Variants in FGD6 observed in about 807,000 individuals in gnomAD.
FGD6 encodes the protein FYVE, RhoGEF and PH domain containing 6, also known as FYVE, RhoGEF and PH domain-containing protein 6.
A neutral mutation model predicts 149.4 loss-of-function variants in FGD6; 90 were observed. That is an observed-to-expected ratio of 0.60 (90% CI 0.51 to 0.72). The LOEUF (loss-of-function observed/expected upper bound fraction) is 0.72. FGD6 is among the 30% of genes least tolerant of loss of function. The probability of loss-of-function intolerance (pLI) is 0.00; values close to 1 mark genes in which losing one functional copy is unlikely to be tolerated. For missense variants in FGD6, 1,437 were observed against 1,684.8 expected, an observed-to-expected ratio of 0.85 and a Z score of 2.57; for synonymous variants, 527 against 584.0, an observed-to-expected ratio of 0.90 and a Z score of 1.41.
At position 95,217,370 on chromosome 12, in the gene FGD6, G is replaced by A. The variant is rs1395253426; in HGVS notation, c.-130C>T. ...CCCACATTCCGTCCCGCCGCCCCGCGGCGCAGCCTGAGCGCCACACAAAGG... is the reference window on the plus strand; with the variant it reads ...CCCACATTCCGTCCCGCCGCCCCGCAGCGCAGCCTGAGCGCCACACAAAGG... On this transcript the variant is annotated 5_prime_UTR_variant, in exon 1 of 21. Transcript: ENST00000343958. The A allele has an allele frequency of 1.5e-6, 2 of 1,334,230 alleles. No homozygotes were observed. The highest frequency in any genetic ancestry group is 2.0e-6 in the Non-Finnish European group (2 of 1,014,076). 82.6% of individuals were successfully genotyped at this position (1,334,230 alleles called of 1,614,324 possible).
chr12:95,176,600 T>C (rs955096927), intron 2 of FGD6, among the ~76,000 whole-genome samples: 1 of 152,246 alleles, frequency 6.6e-6, no homozygotes, highest in Non-Finnish European at 1.5e-5. Context: ...AAATTCCTAC[T>C]GATGGGTAAC....
At chr12:95,181,005 G>A (rs201234800) in intron 2 of FGD6, among the ~76,000 whole-genome samples, 1 of 148,364 alleles carries the variant, frequency 6.7e-6, no homozygotes, top group Non-Finnish European at 1.5e-5. Flanking sequence ...AAAAAAAAAA[G>A]AAAAAATCTC....
intron 8 of FGD6, among the ~76,000 whole-genome samples, chr12:95,114,720 G>A (rs116511412): frequency 0.013 from 2,039 of 152,190 alleles, 41 homozygotes; most frequent in African/African-American, 0.047. Context: ...GGAATTTCAA[G>A]GCAATACTTC....
At chr12:95,106,357 G>A (rs376013689) in intron 13 of FGD6, among the ~76,000 whole-genome samples, 66 of 149,062 alleles carry the variant, frequency 4.4e-4, no homozygotes, top group African/African-American at 1.4e-3. Flanking sequence ...TGACACCTCC[G>A]CCTCCCAGGT....
chr12:95,217,233 G>T lies in FGD6; in HGVS notation c.8C>A (p.Ser3Tyr). Residue 3 changes from serine to tyrosine, a missense_variant, in exon 1 of 21, where the codon TCT (serine) becomes TAT (tyrosine). Ser to Tyr is a moderately radical substitution (Grantham distance 144). Around this residue, in one of 2 missense-constraint regions of FGD6, gnomAD observed 1,055 missense variants for 1,146.0 expected, o/e 0.92. Transcript: ENST00000343958. MTSAAEIKKPPVA... is the reference protein window; with the variant it reads MTYAAEIKKPPVA... ...CGAGCGCCGTCACTTACCGGCTGCA[G>T]AAGTCATGATTCCCCGGTGCAGCTC... 1 of 1,612,240 alleles carries T rather than the reference G, an allele frequency of 6.2e-7. No homozygotes were observed. The highest frequency in any genetic ancestry group is 1.1e-5 in the South Asian group (1 of 90,954).
intron 20 of FGD6, among the ~76,000 whole-genome samples, chr12:95,083,012 A>AATATATATATATATATATATATATATAT (rs1555215600): frequency 5.5e-4 from 11 of 20,032 alleles, no homozygotes; most frequent in Non-Finnish European, 7.5e-4. Context: ...AAAAAAAAAA[A>AATATATATATATATATATATATATATAT]ATATATATAT....
chr12:95,089,720 T>C (rs373540015), intron 17 of FGD6, 24 bp from the exon 18 acceptor site: 7 of 1,610,776 alleles, frequency 4.3e-6, no homozygotes, highest in Non-Finnish European at 5.9e-6. Flanking sequence ...GGCATGCTTA[T>C]GTAGGCAATG....
intron 17 of FGD6, among the ~76,000 whole-genome samples, chr12:95,091,300 A>G (rs1878047483): frequency 1.3e-5 from 2 of 152,202 alleles, no homozygotes; most frequent in South Asian, 4.1e-4. Context: ...ACATCTCACT[A>G]AATCAGATTA....
chr12:95,206,919 G>A (rs1435225162), intron 2 of FGD6, among the ~76,000 whole-genome samples: 1 of 151,834 alleles, frequency 6.6e-6, no homozygotes, highest in Non-Finnish European at 1.5e-5. Context: ...GACAGTTAAA[G>A]GAACTTAAAA....
chr12:95,103,017 T>C (rs1383995920), intron 14 of FGD6, among the ~76,000 whole-genome samples: 1 of 152,178 alleles, frequency 6.6e-6, no homozygotes, highest in African/African-American at 2.4e-5. Flanking sequence ...TGGCCACTAC[T>C]CCACCTGCTC....
At position 95,137,626 on chromosome 12, in the gene FGD6, T is replaced by G. The variant is rs573577016; in HGVS notation, c.2890A>C (p.Lys964Gln). 2 of 1,612,240 alleles carry G rather than the reference T, an allele frequency of 1.2e-6. No individual in the cohort carries two copies. Among genetic ancestry groups the G allele is most frequent in the African/African-American group, 2.7e-5 (2 of 75,006 alleles). ...TCTTTGATGTATGTGGAATACATTT[T>G]TAGATATGGTCCCTTCTTTACAAAG... ...DIFVKKGPYL[K>Q]MYSTYIKEFD... Residue 964 changes from lysine (K) to glutamine (Q), a missense_variant, in exon 7 of 21, where the codon AAA becomes CAA. By Grantham distance (53) the Lys-to-Gln change is moderately conservative (BLOSUM62 1). Coordinates refer to ENST00000343958, the MANE Select transcript of FGD6 (RefSeq NM_018351.4).
chr12:95,197,698 A>T (rs1447752971), intron 2 of FGD6, among the ~76,000 whole-genome samples: 1 of 151,584 alleles, frequency 6.6e-6, no homozygotes, highest in Non-Finnish European at 1.5e-5. Flanking sequence ...GTCAGAATGT[A>T]CTTGACAGAG....
At chr12:95,160,268 A>G (rs1320153145) in intron 3 of FGD6, among the ~76,000 whole-genome samples, 8 of 152,180 alleles carry the variant, frequency 5.3e-5, no homozygotes, top group African/African-American at 1.4e-4. Context: ...GGCAATAAGT[A>G]TATAAAAACT....
rs1565889949 is a variant in FGD6, at chr12:95,079,797, C to G, written c.*1723G>C. On this transcript the variant is annotated 3_prime_UTR_variant, in exon 21 of 21. Coordinates refer to ENST00000343958, the MANE Select transcript of FGD6 (RefSeq NM_018351.4). The stretch of plus-strand genomic sequence containing the variant: ...GTAGGGACTCTGGTGCTGTACCAAA[C>G]AGCATTCAAAAGGCCCCAGAAAGGC... The G allele has an allele frequency of 6.6e-6, 1 of 151,938 alleles. No homozygotes were observed. The highest frequency in any genetic ancestry group is 1.5e-5 in the Non-Finnish European group (1 of 68,008). The allele number at this position is 151,938 out of a possible 1,614,324, so 9.4% of individuals were successfully genotyped here.
In FGD6 at chr12:95,209,868, G is replaced by A. The variant is rs745428723; in HGVS notation, c.1416C>T (p.Asn472=). 1.2e-5 allele frequency: 19 copies of A among 1,612,716 alleles called. No individual in the cohort carries two copies. Among genetic ancestry groups the A allele is most frequent in the Middle Eastern group, 1.6e-4 (1 of 6,076 alleles). ...GCATTTGAGGGGCAGAAACTCCCAG[G>A]TTTCTCCCAGATTGCAAATGTTCAT... ...TCNEHLQSGR[N]LGVSAPQMQK... The change falls in exon 2 of 21, where the codon AAC becomes AAT. Residue 472 remains asparagine, a synonymous_variant. Transcript: ENST00000343958.
At chr12:95,120,955 T>A (rs1352540319) in intron 8 of FGD6, among the ~76,000 whole-genome samples, 1 of 152,164 alleles carries the variant, frequency 6.6e-6, no homozygotes, top group Non-Finnish European at 1.5e-5. Context: ...TTTGTTCATA[T>A]TTTTAGTCTA....
intron 2 of FGD6, among the ~76,000 whole-genome samples, chr12:95,174,756 G>A (rs986530578): frequency 3.3e-5 from 5 of 151,784 alleles, no homozygotes; most frequent in Admixed American, 1.3e-4. Flanking sequence ...GTGAAACCCC[G>A]TCTCTACTAA....
intron 3 of FGD6, among the ~76,000 whole-genome samples, chr12:95,171,762 C>G (rs534282900): frequency 2.0e-5 from 3 of 152,080 alleles, no homozygotes; most frequent in South Asian, 4.2e-4. Context: ...TGATCCACCC[C>G]CCTCGGTCTC....
intron 1 of FGD6, among the ~76,000 whole-genome samples, chr12:95,213,717 G>A (rs946927117): frequency 6.6e-6 from 1 of 152,204 alleles, no homozygotes; most frequent in Non-Finnish European, 1.5e-5. Flanking sequence ...GCTTCCAAGA[G>A]ATATAAATTC....
Sources: gnomAD v4.1 joint callset for allele counts (sites outside exome capture counted in the v4.1 genomes callset) on GRCh38, gnomAD v4.1.1 for gene constraint, gnomAD v4.1.1 regional missense constraint, MANE v1.5 for transcripts, NCBI Gene and HGNC (gene_info 2026-07-23, HGNC 2026-07-21) for gene names.